Variants in EEFSEC observed in about 807,000 individuals in gnomAD.
The protein encoded by EEFSEC is selenocysteine-specific elongation factor.
A neutral mutation model predicts 42.1 loss-of-function variants in EEFSEC; 43 were observed. The observed-to-expected ratio is 1.02, with a 90% confidence interval of 0.80 to 1.32. The LOEUF (loss-of-function observed/expected upper bound fraction) is 1.32. Among genes scored for constraint, EEFSEC ranks in the 40% most tolerant of loss-of-function variants. The pLI is 0.00. For missense variants in EEFSEC, 745 were observed against 803.6 expected (o/e 0.93, Z 0.88); for synonymous variants, 354 against 339.1 (o/e 1.04, Z -0.48).
chr3:128,244,462 T>C (rs1576576110), intron 1 of EEFSEC, among the ~76,000 whole-genome samples: 1 of 148,452 alleles, frequency 6.7e-6, no homozygotes, highest in Non-Finnish European at 1.5e-5. Flanking sequence ...CACAGCCACA[T>C]TGGGGAGTCT....
At chr3:128,159,079 TC>T (rs1233643846) in intron 1 of EEFSEC, among the ~76,000 whole-genome samples, 2 of 152,212 alleles carry the variant, frequency 1.3e-5, no homozygotes, top group Non-Finnish European at 2.9e-5. Flanking sequence ...AGACCCACCT[TC>T]CTTTTCAGGG....
chr3:128,317,535 C>G lies in EEFSEC; in HGVS notation c.787-23698C>G, dbSNP rs763437995. 5.5e-4 allele frequency among the ~76,000 whole-genome samples: 84 copies of G among 152,362 alleles called. No homozygotes were observed. In the Middle Eastern group the frequency reaches 0.014, roughly 25 times the overall value. ...CTCCGATTTGCTCTGTGCCCAGAGTCTTTTTCCCCATCAGTCCTCTTTCCA... is the reference window on the plus strand; with the variant it reads ...CTCCGATTTGCTCTGTGCCCAGAGTGTTTTTCCCCATCAGTCCTCTTTCCA... On this transcript the variant is annotated intron_variant, in intron 4 of 6. Coordinates refer to ENST00000254730, the MANE Select transcript of EEFSEC (RefSeq NM_021937.5). This position sits in a 1 kb window ranked among gnomAD's most constrained non-coding sequence, Gnocchi z 4.1.
chr3:128,362,461 T>C (rs2067539038), intron 6 of EEFSEC, among the ~76,000 whole-genome samples: 1 of 152,182 alleles, frequency 6.6e-6, no homozygotes, highest in African/African-American at 2.4e-5. Context: ...AAATCTAAAA[T>C]CTCCCAGGGC....
chr3:128,403,552 C>A (rs1485537839), intron 6 of EEFSEC, among the ~76,000 whole-genome samples: 1 of 152,200 alleles, frequency 6.6e-6, no homozygotes, highest in African/African-American at 2.4e-5. Flanking sequence ...CGCCTTCCCG[C>A]GTACTCTGAC....
At chr3:128,265,880 C>T (rs2066348885) in intron 4 of EEFSEC, among the ~76,000 whole-genome samples, 1 of 152,120 alleles carries the variant, frequency 6.6e-6, no homozygotes, top group South Asian at 2.1e-4. Flanking sequence ...TCTGTATCTC[C>T]TATTAGTTTT....
chr3:128,312,001 G>A (rs1364572697), intron 4 of EEFSEC, among the ~76,000 whole-genome samples: 2 of 152,044 alleles, frequency 1.3e-5, no homozygotes, highest in South Asian at 2.1e-4. Flanking sequence ...ACCTAGTACC[G>A]TGCCTGGCCC....
At chr3:128,210,017 T>C (rs1452483825) in intron 1 of EEFSEC, among the ~76,000 whole-genome samples, 1 of 152,268 alleles carries the variant, frequency 6.6e-6, no homozygotes, top group Non-Finnish European at 1.5e-5. Context: ...CTTTCTTTGC[T>C]TTAGAAAGCC....
chr3:128,154,364 C>T (rs966220449), intron 1 of EEFSEC, among the ~76,000 whole-genome samples: 5 of 152,136 alleles, frequency 3.3e-5, no homozygotes, highest in Non-Finnish European at 7.4e-5. Context: ...TGGAGAGTGC[C>T]CCATATCTGT....
chr3:128,284,407 T>G (rs533299130), intron 4 of EEFSEC, among the ~76,000 whole-genome samples: 253 of 152,248 alleles, frequency 1.7e-3, no homozygotes, highest in African/African-American at 5.5e-3. Context: ...ACTAAATGAC[T>G]TCATGCAAGC....
chr3:128,241,201 CTTTTTTTT>C (rs373420882), intron 1 of EEFSEC, among the ~76,000 whole-genome samples: 1 of 80,656 alleles, frequency 1.2e-5, no homozygotes, highest in African/African-American at 5.0e-5. Flanking sequence ...CTCTCTCTCT[CTTTTTTTT>C]TTTTTTTTTT....
At chr3:128,374,475 C>T (rs1377799032) in intron 6 of EEFSEC, among the ~76,000 whole-genome samples, 1 of 152,204 alleles carries the variant, frequency 6.6e-6, no homozygotes, top group Non-Finnish European at 1.5e-5. Flanking sequence ...AGTCAGGACA[C>T]ACTTACTCAC....
chr3:128,317,231 AG>A lies in EEFSEC; in HGVS notation c.787-24000del, dbSNP rs1447515663. On this transcript the variant is annotated intron_variant, in intron 4 of 6. Transcript: ENST00000254730. The surrounding 1 kb of genome is among the most constrained non-coding windows in gnomAD (Gnocchi z 4.1). ...CTGGGGGACGACAGCCAGCATTCCC[AG>A]GAGGTCTGTGGCTGTCTGCTGCCAG... Among the ~76,000 whole-genome samples, 1 of 152,164 alleles carries A rather than the reference AG, an allele frequency of 6.6e-6. No individual in the cohort carries two copies. The highest frequency in any genetic ancestry group is 1.5e-5 in the Non-Finnish European group (1 of 68,020).
At chr3:128,269,821 ACT>A (rs913112841) in intron 4 of EEFSEC, among the ~76,000 whole-genome samples, 1 of 152,112 alleles carries the variant, frequency 6.6e-6, no homozygotes, top group Non-Finnish European at 1.5e-5. Context: ...AGGCATTTTG[ACT>A]CTCTCGATCT....
At chr3:128,159,988 A>G (rs2107759082) in intron 1 of EEFSEC, among the ~76,000 whole-genome samples, 1 of 152,364 alleles carries the variant, frequency 6.6e-6, no homozygotes, top group South Asian at 2.1e-4. Flanking sequence ...CTCATTCACC[A>G]GTGTTCTCAG....
rs144034825 is a variant in EEFSEC, at chr3:128,331,653, T to C, written c.787-9580T>C. Among the ~76,000 whole-genome samples, 689 of 151,488 alleles carry C rather than the reference T, an allele frequency of 4.5e-3. 4 individuals are homozygous for C. The highest frequency in any genetic ancestry group is 0.015 in the African/African-American group (604 of 41,254). On this transcript the variant is annotated intron_variant, in intron 4 of 6. Coordinates refer to ENST00000254730, the MANE Select transcript of EEFSEC (RefSeq NM_021937.5). ...ACATGCACTTTGCCACCCCTAGGAGTTGTGGGTGGGACAGTAGATGTTGGG... is the reference window on the plus strand; with the variant it reads ...ACATGCACTTTGCCACCCCTAGGAGCTGTGGGTGGGACAGTAGATGTTGGG...
At chr3:128,362,226 C>T (rs2067535028) in intron 6 of EEFSEC, 1 of 526,710 alleles carries the variant, frequency 1.9e-6, no homozygotes, top group Non-Finnish European at 3.9e-6. Context: ...CACTCACTCA[C>T]AGAGGCAGGC....
Position 128,241,186 on chromosome 3 carries a change from C to CCTCT in EEFSEC, c.317-5637_317-5634dup, listed in dbSNP as rs1553745908. ...TTACTTCACCTCTCTAAGCCTTTGT[C>CCTCT]CTCTCTCTCTCTCTCTTTTTTTTTT... is the stretch of plus-strand genomic sequence containing the variant. On this transcript the variant is annotated intron_variant, in intron 1 of 6. Transcript: ENST00000254730. Among the ~76,000 whole-genome samples, 5 of 139,680 alleles carry CCTCT rather than the reference C, an allele frequency of 3.6e-5. No homozygotes were observed. The East Asian group carries it at 6.8e-4, about 19-fold the overall frequency. 91.6% of individuals were successfully genotyped at this position (139,680 alleles called of 152,430 possible).
chr3:128,263,961 T>C (rs1257559948), intron 3 of EEFSEC, among the ~76,000 whole-genome samples: 1 of 152,190 alleles, frequency 6.6e-6, no homozygotes. Flanking sequence ...TGATGCCAGC[T>C]ACTGGAGATA....
intron 4 of EEFSEC, among the ~76,000 whole-genome samples, chr3:128,315,379 C>G (rs752596678): frequency 6.6e-6 from 1 of 152,292 alleles, no homozygotes; most frequent in African/African-American, 2.4e-5. Flanking sequence ...GAATTGATGA[C>G]CACAGTTGAG....
Sources: gnomAD v4.1 joint callset for allele counts (sites outside exome capture counted in the v4.1 genomes callset) on GRCh38, gnomAD v4.1.1 for gene constraint, Gnocchi (gnomAD v3.1) non-coding constraint, MANE v1.5 for transcripts, NCBI Gene and HGNC (gene_info 2026-07-23, HGNC 2026-07-21) for gene names.